Variants in KRT23 observed in about 807,000 individuals in gnomAD.
KRT23 encodes keratin 23.
KRT23 carries 38 observed loss-of-function variants against 47.6 expected under a neutral mutation model. The ratio of observed to expected loss-of-function variants is 0.80; its 90% CI spans 0.62 to 1.05. The LOEUF (loss-of-function observed/expected upper bound fraction) is 1.05, where lower values mean the gene tolerates loss of function less well. KRT23 is among the 50% of genes least tolerant of loss of function. The pLI is 0.00. For synonymous variants in KRT23, 191 were observed against 199.0 expected, an observed-to-expected ratio of 0.96 and a Z score of 0.34; for missense variants, 503 against 529.5, an observed-to-expected ratio of 0.95 and a Z score of 0.49.
Position 40,936,522 on chromosome 17 carries a change from A to G in KRT23, c.82T>C (p.Phe28Leu). 1 of 1,527,392 alleles carries G rather than the reference A, an allele frequency of 6.5e-7. No homozygotes were observed. Among genetic ancestry groups the G allele is most frequent in the Non-Finnish European group, 8.8e-7 (1 of 1,140,002 alleles). The allele number at this position is 1,527,392 out of a possible 1,614,324, so 94.6% of individuals were successfully genotyped here. The change falls in exon 2 of 9, where the codon TTC becomes CTC. Residue 28 changes from phenylalanine (F) to leucine (L), a missense_variant. Physicochemically the swap from Phe to Leu is conservative, Grantham distance 22. Coordinates refer to ENST00000209718, the MANE Select transcript of KRT23 (RefSeq NM_015515.5). ...CCATGGACGGTGGGAGCCCTGGGGA[A>G]GCTCCTGGGCCGGCCCCAGCCACCT... ...AGGGWGRPRS[F>L]PRAPTVHGGA...
chr17:40,929,810 A>G lies in KRT23; in HGVS notation c.636+130T>C, dbSNP rs1317177818. The G allele has an allele frequency of 5.7e-6, 4 of 699,526 alleles. No homozygotes were observed. The African/African-American group carries it at 7.1e-5, about 12-fold the overall frequency. 43.3% of individuals were successfully genotyped at this position (699,526 alleles called of 1,614,324 possible). A position where few individuals can be genotyped will look rare whatever the true frequency, so the allele number is the denominator to read the frequency against. On this transcript the variant is annotated intron_variant, in intron 4 of 8. Transcript: ENST00000209718. ...ACATTAGATATTTGTATGTTTTTCT[A>G]AAGACTATTTAGGGTGAAGGACAAG... is the stretch of plus-strand genomic sequence containing the variant.
At chr17:40,927,863 C>T (rs553856057) in intron 6 of KRT23, among the ~76,000 whole-genome samples, 1 of 152,028 alleles carries the variant, frequency 6.6e-6, no homozygotes, top group African/African-American at 2.4e-5. Flanking sequence ...GTCTAGAATC[C>T]CCCTTCCTCC....
chr17:40,930,317 C>G lies in KRT23; in HGVS notation c.480-221G>C, dbSNP rs73983155. 1.7e-3 allele frequency among the ~76,000 whole-genome samples: 258 copies of G among 152,264 alleles called. 1 individual carries two copies. The highest frequency in any genetic ancestry group is 5.6e-3 in the African/African-American group (232 of 41,534). ...TGAGTAGGGAGAATAGGATAATAAA[C>G]AGTCATATACCCATTATCTATATTT... is the stretch of plus-strand genomic sequence containing the variant. On this transcript the variant is annotated intron_variant, in intron 3 of 8. Coordinates refer to ENST00000209718, the MANE Select transcript of KRT23 (RefSeq NM_015515.5).
intron 4 of KRT23, among the ~76,000 whole-genome samples, chr17:40,929,466 A>T (rs1160656774): frequency 3.3e-5 from 5 of 152,250 alleles, no homozygotes; most frequent in Non-Finnish European, 7.3e-5. Flanking sequence ...TCATTTTATC[A>T]GAGTCTTGAG....
At chr17:40,926,168 G>T (rs1051293441) in intron 6 of KRT23, among the ~76,000 whole-genome samples, 1 of 152,020 alleles carries the variant, frequency 6.6e-6, no homozygotes, top group African/African-American at 2.4e-5. Context: ...AATTCTAACA[G>T]CTGCCAAATG....
intron 8 of KRT23, 31 bp downstream of exon 8, chr17:40,924,441 A>G (rs1249378786): frequency 6.3e-7 from 1 of 1,575,098 alleles, no homozygotes; most frequent in Admixed American, 1.7e-5. Context: ...CCTTAAAAAC[A>G]GAGATTCAAA....
intron 2 of KRT23, among the ~76,000 whole-genome samples, chr17:40,935,210 A>C (rs1164489030): frequency 1.3e-5 from 2 of 152,048 alleles, no homozygotes; most frequent in African/African-American, 4.8e-5. Context: ...GTTCATTACA[A>C]GGACAGATTT....
At chr17:40,927,063 C>T (rs1354793933) in intron 6 of KRT23, among the ~76,000 whole-genome samples, 1 of 152,176 alleles carries the variant, frequency 6.6e-6, no homozygotes, top group Non-Finnish European at 1.5e-5. Context: ...CACCTCCTTA[C>T]CTCTTTGCTC....
At chr17:40,934,228 C>G (rs1909892958) in intron 2 of KRT23, among the ~76,000 whole-genome samples, 1 of 152,130 alleles carries the variant, frequency 6.6e-6, no homozygotes, top group Admixed American at 6.5e-5. Flanking sequence ...TCTGTTTTCT[C>G]ATCTTCAAAT....
intron 2 of KRT23, among the ~76,000 whole-genome samples, chr17:40,934,606 T>C (rs1909922126): frequency 1.3e-5 from 2 of 152,224 alleles, no homozygotes; most frequent in Non-Finnish European, 2.9e-5. Flanking sequence ...GTATAATGCA[T>C]TATCTTTATT....
chr17:40,930,647 C>G (rs1171153532), intron 3 of KRT23, among the ~76,000 whole-genome samples: 1 of 151,796 alleles, frequency 6.6e-6, no homozygotes, highest in Non-Finnish European at 1.5e-5. Flanking sequence ...ACCTATAGTC[C>G]CAGCTACTTG....
rs1390225055 is a variant in KRT23 at position 40,930,018 on chromosome 17, G to A, written c.558C>T (p.Thr186=). 1 of 1,613,974 alleles carries A rather than the reference G, an allele frequency of 6.2e-7. No homozygotes were observed. The highest frequency in any genetic ancestry group is 2.2e-5 in the East Asian group (1 of 44,876). The part of the protein sequence containing the change: ...EGLRRTLDNL[T]IVTTDLEQEV... ...CCTGTTCTAGGTCTGTTGTGACAAT[G>A]GTCAGGTTGTCTAAGGTCCTTCGGA... The change falls in exon 4 of 9, where the codon ACC becomes ACT. Residue 186 remains threonine (T), a synonymous_variant. Transcript: ENST00000209718.
At chr17:40,931,337 C>CA in intron 3 of KRT23, 36 bp downstream of exon 3, 1 of 1,523,270 alleles carries the variant, frequency 6.6e-7, no homozygotes, top group Non-Finnish European at 9.1e-7. Context: ...AGCAAACAAA[C>CA]AAAAACCCGA....
Position 40,925,305 on chromosome 17 carries a change from G to C in KRT23, c.1142+49C>G, listed in dbSNP as rs750825112. On this transcript the variant is annotated intron_variant, in intron 7 of 8. Coordinates refer to ENST00000209718, the MANE Select transcript of KRT23 (RefSeq NM_015515.5). ...CCAAAGATGCACACATATACCCACA[G>C]GAGCTGGAGGTCCCTCGCATGCTCC... The C allele has an allele frequency of 3.7e-5, 55 of 1,503,998 alleles. No individual in the cohort carries two copies. In the Admixed American group the frequency reaches 9.0e-4, roughly 25 times the overall value. 93.2% of individuals were successfully genotyped at this position (1,503,998 alleles called of 1,614,324 possible).
At chr17:40,927,629 C>A (rs1473521475) in intron 6 of KRT23, among the ~76,000 whole-genome samples, 1 of 152,132 alleles carries the variant, frequency 6.6e-6, no homozygotes, top group Non-Finnish European at 1.5e-5. Flanking sequence ...TATGACCATG[C>A]TAAGCATTTT....
At chr17:40,931,273 G>A (rs1909657067) in intron 3 of KRT23, 100 bp downstream of exon 3, 2 of 821,194 alleles carry the variant, frequency 2.4e-6, no homozygotes, top group Non-Finnish European at 2.1e-6. Context: ...GCCTCCCAAA[G>A]TGCTGGGATT....
At position 40,924,496 on chromosome 17, in the gene KRT23, C is replaced by T. The variant is rs1043991341; in HGVS notation, c.1150G>A (p.Glu384Lys). ...LLEGESEGTREESKSSMKVSA... is the reference protein window; with the variant it reads ...LLEGESEGTRKESKSSMKVSA... ...CCTTTCATGCTCGACTTTGATTCTT[C>T]CCGTGTCCTATAAAAGTGATAAAGG... The change falls in exon 8 of 9, where the codon GAA (glutamate) becomes AAA (lysine). Residue 384 changes from glutamate to lysine, a missense_variant. Physicochemically the swap from Glu to Lys is moderately conservative, Grantham distance 56. Coordinates refer to ENST00000209718, the MANE Select transcript of KRT23 (RefSeq NM_015515.5). The T allele has an allele frequency of 1.2e-6, 2 of 1,613,120 alleles. No individual in the cohort carries two copies. Among genetic ancestry groups the T allele is most frequent in the Non-Finnish European group, 8.5e-7 (1 of 1,179,256 alleles).
At chr17:40,925,654 G>C in intron 6 of KRT23, 80 bp from the exon 7 acceptor site, 2 of 1,066,700 alleles carry the variant, frequency 1.9e-6, no homozygotes, top group Non-Finnish European at 2.8e-6. Flanking sequence ...GTACTTAGCA[G>C]ATGTCGACCA....
Position 40,925,457 on chromosome 17 carries a change from G to A in KRT23, c.1039C>T (p.Leu347=). 1 of 1,614,170 alleles carries A rather than the reference G, an allele frequency of 6.2e-7. No individual in the cohort carries two copies. The highest frequency in any genetic ancestry group is 8.5e-7 in the Non-Finnish European group (1 of 1,180,022). Residue 347 remains leucine, a synonymous_variant, in exon 7 of 9, where the codon CTG becomes TTG. Coordinates refer to ENST00000209718, the MANE Select transcript of KRT23 (RefSeq NM_015515.5). ...EEELTQLRHE[L]ERQNNEYQVL... is the part of the protein sequence containing the mutation. ...TGGTATTCATTGTTCTGCCGCTCCA[G>A]TTCATGGCGTAGCTGCGTCAGTTCC...
Sources: allele counts gnomAD v4.1 joint callset (sites outside exome capture counted in the v4.1 genomes callset), GRCh38; gene constraint gnomAD v4.1.1; transcripts MANE v1.5; gene names NCBI Gene and HGNC (gene_info 2026-07-23, HGNC 2026-07-21).